Variants in SMC5 observed in about 807,000 individuals in gnomAD.
SMC5 encodes the protein structural maintenance of chromosomes 5.
Under a neutral mutation model 148.3 loss-of-function variants are expected in SMC5, and 88 were observed. The ratio of observed to expected loss-of-function variants is 0.59; its 90% CI spans 0.50 to 0.71. The LOEUF is 0.71. Among genes scored for constraint, SMC5 ranks in the 30% least tolerant of loss-of-function variants. SMC5 has a pLI of 0.00. For synonymous variants in SMC5, 421 were observed against 432.8 expected, an observed-to-expected ratio of 0.97 and a Z score of 0.34; for missense variants, 1,142 against 1,298.9, an observed-to-expected ratio of 0.88 and a Z score of 1.86.
rs545798224 is a variant in SMC5, at chr9:70,301,090, A to G, written c.1464+890A>G. On this transcript the variant is annotated intron_variant, in intron 10 of 24. Transcript: ENST00000361138. ...CTCTTATTCACATATGTGTTATTAG[A>G]ATATTTTTGCTAGATCAAGAAGAGA... is the stretch of plus-strand genomic sequence containing the variant. 4.7e-4 allele frequency among the ~76,000 whole-genome samples: 72 copies of G among 152,254 alleles called. 1 individual carries two copies. Among genetic ancestry groups the G allele is most frequent in the Admixed American group, 2.0e-3 (30 of 15,290 alleles).
chr9:70,337,356 CT>C (rs1346419887), intron 17 of SMC5, among the ~76,000 whole-genome samples: 1 of 151,958 alleles, frequency 6.6e-6, no homozygotes, highest in Non-Finnish European at 1.5e-5. Flanking sequence ...TCCAATAGCC[CT>C]TATAGATGGA....
intron 24 of SMC5, among the ~76,000 whole-genome samples, chr9:70,351,308 C>G (rs2036797136): frequency 6.6e-6 from 1 of 151,154 alleles, no homozygotes; most frequent in Admixed American, 6.6e-5. Flanking sequence ...GAGCCCAGAT[C>G]ACACCACTGC....
intron 22 of SMC5, 63 bp downstream of exon 22, chr9:70,348,101 AC>A: frequency 7.8e-7 from 1 of 1,280,488 alleles, no homozygotes; most frequent in Non-Finnish European, 1.0e-6. Flanking sequence ...TGCTTAAAGT[AC>A]ATATAAATTA....
intron 8 of SMC5, among the ~76,000 whole-genome samples, chr9:70,297,133 T>C (rs181329320): frequency 1.6e-3 from 240 of 152,336 alleles, no homozygotes; most frequent in African/African-American, 5.6e-3. Flanking sequence ...ATGAGGTATC[T>C]TGAGAATACA....
chr9:70,258,992 C>CGGGGCGCCTGGGTGGATGGGCGCT lies in SMC5; in HGVS notation c.-86_-63dup, dbSNP rs1338805444. 4.2e-4 allele frequency: 592 copies of CGGGGCGCCTGGGTGGATGGGCGCT among 1,425,396 alleles called. 7 individuals are homozygous for CGGGGCGCCTGGGTGGATGGGCGCT. The East Asian group carries it at 0.012, about 29-fold the overall frequency. The allele number at this position is 1,425,396 out of a possible 1,614,324, so 88.3% of individuals were successfully genotyped here. A position where few individuals can be genotyped will look rare whatever the true frequency, so the allele number is the denominator to read the frequency against. On this transcript the variant is annotated 5_prime_UTR_variant, in exon 1 of 25. It adds an upstream start codon to the 5' untranslated region. Coordinates refer to ENST00000361138, the MANE Select transcript of SMC5 (RefSeq NM_015110.4). ...CAGTTCGCGGCAGTTCGCGCGGGAG[C>CGGGGCGCCTGGGTGGATGGGCGCT]GGGGCGCCTGGGTGGATGGGCGCTT...
chr9:70,278,545 G>A lies in SMC5; in HGVS notation c.598G>A (p.Glu200Lys), dbSNP rs752734540. The A allele has an allele frequency of 6.2e-7, 1 of 1,612,146 alleles. No individual in the cohort carries two copies. Among genetic ancestry groups the A allele is most frequent in the Non-Finnish European group, 8.5e-7 (1 of 1,179,354 alleles). Reference sequence around the variant, plus strand: ...CAAAATTGAACTCCTCGAAGCCACTGAAAAGTCAATTGGTCCCCCAGAAAT... The same window carrying A: ...CAAAATTGAACTCCTCGAAGCCACTAAAAAGTCAATTGGTCCCCCAGAAAT... ...LSKIELLEAT[E>K]KSIGPPEMHK... The change falls in exon 5 of 25, where the codon GAA becomes AAA. Residue 200 changes from glutamate to lysine, a missense_variant. Physicochemically the swap from Glu to Lys is moderately conservative, Grantham distance 56. Coordinates refer to ENST00000361138, the MANE Select transcript of SMC5 (RefSeq NM_015110.4).
intron 17 of SMC5, among the ~76,000 whole-genome samples, chr9:70,343,757 A>G (rs1437766630): frequency 2.6e-5 from 4 of 152,166 alleles, no homozygotes; most frequent in African/African-American, 9.7e-5. Flanking sequence ...CAGAGGTTGC[A>G]GTGAGCTGAG....
intron 3 of SMC5, among the ~76,000 whole-genome samples, chr9:70,269,443 C>G (rs2034384880): frequency 6.6e-6 from 1 of 151,886 alleles, no homozygotes; most frequent in African/African-American, 2.4e-5. Context: ...TTAGCCAGGC[C>G]TGGCTGCGCA....
rs2118839164 is a variant in SMC5 at position 70,347,857 on chromosome 9, T to C, written c.2770-62T>C. ...TACTGATATAAAATTTACATAAAAT[T>C]GTGTGTCAGAATATAGTAATACTGC... On this transcript the variant is annotated intron_variant, in intron 21 of 24. Coordinates refer to ENST00000361138, the MANE Select transcript of SMC5 (RefSeq NM_015110.4). The C allele has an allele frequency of 2.1e-6, 3 of 1,460,270 alleles. No homozygotes were observed. In the East Asian group the frequency reaches 7.0e-5, roughly 34 times the overall value. 90.5% of individuals were successfully genotyped at this position (1,460,270 alleles called of 1,614,324 possible).
chr9:70,317,384 T>C (rs1417313809), intron 13 of SMC5, among the ~76,000 whole-genome samples: 2 of 152,210 alleles, frequency 1.3e-5, no homozygotes, highest in East Asian at 3.8e-4. Context: ...TAGCTTGAGA[T>C]GTCACTTTTA....
Position 70,323,724 on chromosome 9 carries a change from A to G in SMC5, c.2274+118A>G, listed in dbSNP as rs2036007947. 5.2e-6 allele frequency: 6 copies of G among 1,159,658 alleles called. No homozygotes were observed. The South Asian group carries it at 6.6e-5, about 13-fold the overall frequency. 71.8% of individuals were successfully genotyped at this position (1,159,658 alleles called of 1,614,324 possible). A position where few individuals can be genotyped will look rare whatever the true frequency, so the allele number is the denominator to read the frequency against. On this transcript the variant is annotated intron_variant, in intron 16 of 24. Transcript: ENST00000361138. ...AGGTTTTTGACATTTTAGTTATATAAGCAAGAGATCTTTATCATCAGTTTC... is the reference window on the plus strand; with the variant it reads ...AGGTTTTTGACATTTTAGTTATATAGGCAAGAGATCTTTATCATCAGTTTC...
At chr9:70,260,126 A>G (rs1189134083) in intron 1 of SMC5, among the ~76,000 whole-genome samples, 1 of 146,282 alleles carries the variant, frequency 6.8e-6, no homozygotes, top group African/African-American at 2.6e-5. Context: ...TGTTTTTGAG[A>G]CGGAGTGTCA....
chr9:70,267,867 G>T, intron 2 of SMC5, 56 bp from the exon 3 acceptor site: 1 of 1,455,842 alleles, frequency 6.9e-7, no homozygotes. Context: ...CTAAATCTCT[G>T]ATTGTTAACC....
At chr9:70,324,467 T>G (rs1317336869) in intron 17 of SMC5, among the ~76,000 whole-genome samples, 1 of 152,126 alleles carries the variant, frequency 6.6e-6, no homozygotes, top group Non-Finnish European at 1.5e-5. Context: ...AGTGGCATAG[T>G]TTTTGAATCT....
chr9:70,288,800 A>C (rs887529286), intron 8 of SMC5, among the ~76,000 whole-genome samples: 1 of 152,166 alleles, frequency 6.6e-6, no homozygotes, highest in Admixed American at 6.5e-5. Context: ...CTTTATGGTC[A>C]ATAAATGTGG....
At chr9:70,344,660 G>A (rs2036619463) in intron 18 of SMC5, 1 of 151,922 alleles carries the variant, frequency 6.6e-6, no homozygotes, top group Admixed American at 6.6e-5. Flanking sequence ...AATATTTAAG[G>A]CTAACATCTG....
Position 70,346,251 on chromosome 9 carries a change from A to G in SMC5, c.2524-354A>G, listed in dbSNP as rs563686944. ...TCAACAGAGGAATATTTGAAGGTCT[A>G]TAGAGGTTGAACTGCTTTCTAAGAG... is the stretch of plus-strand genomic sequence containing the variant. On this transcript the variant is annotated intron_variant, in intron 18 of 24. Coordinates refer to ENST00000361138, the MANE Select transcript of SMC5 (RefSeq NM_015110.4). The G allele has an allele frequency of 1.5e-4, 31 of 213,534 alleles. No individual in the cohort carries two copies. The South Asian group carries it at 3.2e-3, about 22-fold the overall frequency. The allele number at this position is 213,534 out of a possible 1,614,324, so 13.2% of individuals were successfully genotyped here. A position where few individuals can be genotyped will look rare whatever the true frequency, so the allele number is the denominator to read the frequency against.
intron 3 of SMC5, among the ~76,000 whole-genome samples, chr9:70,271,723 T>C (rs1345783142): frequency 3.3e-5 from 5 of 152,262 alleles, no homozygotes; most frequent in Admixed American, 3.3e-4. Context: ...AAGATCTCAC[T>C]GAGAAGATAG....
At chr9:70,270,965 G>T (rs970100842) in intron 3 of SMC5, among the ~76,000 whole-genome samples, 1 of 152,050 alleles carries the variant, frequency 6.6e-6, no homozygotes, top group Admixed American at 6.6e-5. Context: ...TCTTAATACA[G>T]GCTGAGTATC....
Sources: gnomAD v4.1 joint callset for allele counts (sites outside exome capture counted in the v4.1 genomes callset) on GRCh38, gnomAD v4.1.1 for gene constraint, MANE v1.5 for transcripts, NCBI Gene and HGNC (gene_info 2026-07-23, HGNC 2026-07-21) for gene names.